CDH23: variants seen among roughly 807,000 people sequenced by gnomAD.
CDH23 encodes cadherin related 23.
CDH23 carries 189 observed loss-of-function variants against 317.1 expected under a neutral mutation model. The observed-to-expected ratio is 0.60, with a 90% CI of 0.53 to 0.67. The LOEUF is 0.67. Among genes scored for constraint, CDH23 ranks in the 30% least tolerant of loss-of-function variants. CDH23 has a pLI of 0.00. For synonymous variants in CDH23, 1,839 were observed against 1,876.8 expected (o/e 0.98, Z 0.52); for missense variants, 4,401 against 4,592.4 (o/e 0.96, Z 1.20).
At chr10:71,527,389 A>T (rs1388221360) in intron 6 of CDH23, among the ~76,000 whole-genome samples, 2 of 152,252 alleles carry the variant, frequency 1.3e-5, no homozygotes. Context: ...CATCAAGGCC[A>T]TTAGCACTGA....
At chr10:71,694,105 C>T (rs1210768066) in intron 20 of CDH23, 42 bp from the exon 21 acceptor site, 2 of 1,505,824 alleles carry the variant, frequency 1.3e-6, no homozygotes, top group East Asian at 2.3e-5. Flanking sequence ...CTCTCCCTGG[C>T]CCACCCAAAC....
At chr10:71,623,769 G>A (rs1477879205) in intron 11 of CDH23, among the ~76,000 whole-genome samples, 2 of 152,158 alleles carry the variant, frequency 1.3e-5, no homozygotes, top group Non-Finnish European at 2.9e-5. Context: ...ACTGCTCTTA[G>A]GAACTCTTCC....
intron 6 of CDH23, among the ~76,000 whole-genome samples, chr10:71,528,680 T>A (rs1245972633): frequency 1.3e-5 from 2 of 152,174 alleles, no homozygotes; most frequent in African/African-American, 4.8e-5. Flanking sequence ...GAAAGGTCTG[T>A]GGAGAGATAG....
At position 71,704,963 on chromosome 10, in the gene CDH23, T is replaced by G. The variant is rs1298382473; in HGVS notation, c.2786T>G (p.Met929Arg). The change falls in exon 25 of 70, where the codon ATG becomes AGG. Residue 929 changes from methionine to arginine, a missense_variant. This residue lies in a region of CDH23 where 3,068 missense variants were observed against 3,203.3 expected (regional missense o/e 0.96). Coordinates refer to ENST00000224721, the MANE Select transcript of CDH23 (RefSeq NM_022124.6). Reference protein sequence around the residue: ...EGLNGLVSYRMPVGMPRMDFL... With the variant: ...EGLNGLVSYRRPVGMPRMDFL... ...CTGAACGGCCTGGTGTCCTACCGCATGCCGGTGGGCATGCCCCGCATGGAC... is the reference window on the plus strand; with the variant it reads ...CTGAACGGCCTGGTGTCCTACCGCAGGCCGGTGGGCATGCCCCGCATGGAC... 1 of 1,612,908 alleles carries G rather than the reference T, an allele frequency of 6.2e-7. No homozygotes were observed. Among genetic ancestry groups the G allele is most frequent in the Non-Finnish European group, 8.5e-7 (1 of 1,179,852 alleles).
At chr10:71,672,306 G>C (rs1402057333) in intron 14 of CDH23, among the ~76,000 whole-genome samples, 1 of 152,026 alleles carries the variant, frequency 6.6e-6, no homozygotes, top group Non-Finnish European at 1.5e-5. Context: ...GAGGGGAGGG[G>C]TTTTCCTTCA....
intron 1 of CDH23, among the ~76,000 whole-genome samples, chr10:71,411,010 C>CA (rs1403980400): frequency 2.0e-5 from 3 of 152,218 alleles, no homozygotes; most frequent in Non-Finnish European, 4.4e-5. Context: ...CTTTTACCAA[C>CA]ACAAGCTTTA....
chr10:71,716,431 TG>T, intron 28 of CDH23: 1 of 1,071,914 alleles, frequency 9.3e-7, no homozygotes, highest in South Asian at 1.7e-5. Flanking sequence ...GGAATGTGGA[TG>T]GGGGCAAGGC....
At chr10:71,650,481 T>A (rs2132608054) in intron 14 of CDH23, among the ~76,000 whole-genome samples, 1 of 152,260 alleles carries the variant, frequency 6.6e-6, no homozygotes, top group Non-Finnish European at 1.5e-5. Flanking sequence ...GGCAGGCATG[T>A]TTTTTTGTGC....
chr10:71,603,613 A>AGG (rs113275050), intron 9 of CDH23, among the ~76,000 whole-genome samples: 2,946 of 152,268 alleles, frequency 0.019, 105 homozygotes, highest in African/African-American at 0.068. Flanking sequence ...AGCAGGCAGC[A>AGG]GGGGGGGCCT....
At chr10:71,777,993 G>C in intron 39 of CDH23, 92 bp downstream of exon 39, 1 of 1,490,636 alleles carries the variant, frequency 6.7e-7, no homozygotes, top group Non-Finnish European at 9.2e-7. Flanking sequence ...ATGGAGCAAA[G>C]ATGCAGTCTA....
At chr10:71,421,343 T>G (rs1000610692) in intron 1 of CDH23, among the ~76,000 whole-genome samples, 3 of 152,214 alleles carry the variant, frequency 2.0e-5, no homozygotes, top group Non-Finnish European at 4.4e-5. Flanking sequence ...CCCCACCACC[T>G]GCCCCACCTG....
intron 38 of CDH23, among the ~76,000 whole-genome samples, chr10:71,768,191 G>A (rs1840600974): frequency 6.6e-6 from 1 of 152,174 alleles, no homozygotes; most frequent in African/African-American, 2.4e-5. Context: ...TGTTGTTTGA[G>A]ATGGAGTCTC....
chr10:71,515,537 T>C (rs1456424935), intron 6 of CDH23, among the ~76,000 whole-genome samples: 1 of 152,006 alleles, frequency 6.6e-6, no homozygotes, highest in Non-Finnish European at 1.5e-5. Flanking sequence ...ATTTTTTTTT[T>C]TAATGAACAC....
At chr10:71,670,048 G>C (rs1564721965) in intron 14 of CDH23, among the ~76,000 whole-genome samples, 1 of 152,208 alleles carries the variant, frequency 6.6e-6, no homozygotes, top group Non-Finnish European at 1.5e-5. Flanking sequence ...TCTGGTCACT[G>C]TTTTCATGAA....
At chr10:71,805,455 C>T (rs1456573127) in intron 55 of CDH23, among the ~76,000 whole-genome samples, 1 of 152,190 alleles carries the variant, frequency 6.6e-6, no homozygotes, top group East Asian at 1.9e-4. Flanking sequence ...GGCCTCAGCA[C>T]TTAGATCCCC....
chr10:71,791,554 C>T (rs1402770982), intron 47 of CDH23, among the ~76,000 whole-genome samples: 2 of 151,778 alleles, frequency 1.3e-5, no homozygotes, highest in Non-Finnish European at 2.9e-5. Context: ...ATTCTTTTTT[C>T]CTTTCTTTCT....
At chr10:71,810,685 G>T in intron 62 of CDH23, 116 bp downstream of exon 62, 2 of 920,516 alleles carry the variant, frequency 2.2e-6, no homozygotes, top group Non-Finnish European at 3.4e-6. Context: ...GGCCCACTGT[G>T]TGGGGCCATC....
chr10:71,664,756 G>T (rs1037409493), intron 14 of CDH23, among the ~76,000 whole-genome samples: 2 of 152,142 alleles, frequency 1.3e-5, no homozygotes, highest in Non-Finnish European at 2.9e-5. Flanking sequence ...GAAAACTGAG[G>T]CTCAGAGCAG....
Position 71,741,905 on chromosome 10 carries a change from G to A in CDH23, c.4829G>A (p.Gly1610Asp), listed in dbSNP as rs1839745979. The A allele has an allele frequency of 1.2e-6, 2 of 1,603,432 alleles. No homozygotes were observed. Among genetic ancestry groups the A allele is most frequent in the Non-Finnish European group, 1.7e-6 (2 of 1,175,168 alleles). ...YHLVATVEDE[G>D]TPTLSATTHV... ...CTGGTGGCCACTGTGGAGGACGAGG[G>A]CACCCCAACCCTGTCGGTGAGCGAT... Residue 1610 changes from glycine (G) to aspartate (D), a missense_variant, in exon 38 of 70, where the codon GGC (glycine) becomes GAC (aspartate). Physicochemically the swap from Gly to Asp is moderately conservative, Grantham distance 94. Transcript: ENST00000224721.
Sources: allele counts gnomAD v4.1 joint callset (sites outside exome capture counted in the v4.1 genomes callset), GRCh38; gene constraint gnomAD v4.1.1; regional missense constraint gnomAD v4.1.1; transcripts MANE v1.5; gene names NCBI Gene and HGNC (gene_info 2026-07-23, HGNC 2026-07-21).